The following PDE1A variants were observed in gnomAD, a reference collection of about 807,000 sequenced individuals.
PDE1A encodes dual specificity calcium/calmodulin-dependent 3',5'-cyclic nucleotide phosphodiesterase 1A.
In PDE1A, 35 loss-of-function variants were observed where a neutral mutation model predicts 61.7. The observed-to-expected ratio is 0.57, with a 90% CI of 0.43 to 0.75. The LOEUF is 0.75. Ranked by LOEUF, PDE1A falls within the 30% of genes least tolerant of loss-of-function variation. PDE1A has a pLI of 0.00. For synonymous variants in PDE1A, 232 were observed against 213.2 expected (o/e 1.09, Z -0.77); for missense variants, 597 against 630.6 (o/e 0.95, Z 0.57).
chr2:182,255,524 C>T (rs1388093746), intron 2 of PDE1A, among the ~76,000 whole-genome samples: 1 of 152,172 alleles, frequency 6.6e-6, no homozygotes, highest in Non-Finnish European at 1.5e-5. Context: ...TGCTAAGCAG[C>T]TGAGTTTAAA....
chr2:182,340,755 G>C (rs917601560), intron 1 of PDE1A, among the ~76,000 whole-genome samples: 3 of 152,176 alleles, frequency 2.0e-5, no homozygotes, highest in Non-Finnish European at 4.4e-5. Context: ...ATAATTTAAT[G>C]ATGATGAATG....
At chr2:182,537,712 T>C in the PDE1A span, among the ~76,000 whole-genome samples, 3 of 151,796 alleles carry the variant, frequency 2.0e-5, no homozygotes, top group African/African-American at 7.3e-5. Flanking sequence ...AAAGAAAATT[T>C]CAAGCAGAGG....
chr2:182,340,698 C>A (rs1031139948), intron 1 of PDE1A, among the ~76,000 whole-genome samples: 1 of 151,934 alleles, frequency 6.6e-6, no homozygotes, highest in Admixed American at 6.6e-5. Context: ...TTTCTGTAGC[C>A]CTGATGTTAA....
At chr2:182,675,578 G>A in the PDE1A span, among the ~76,000 whole-genome samples, 33 of 152,140 alleles carry the variant, frequency 2.2e-4, no homozygotes, top group Admixed American at 2.2e-3. Context: ...CACCAACAGT[G>A]TATAAGTTTT....
At chr2:182,671,361 T>TTTTCTTTTTTTTTTTTC in the PDE1A span, among the ~76,000 whole-genome samples, 1 of 114,206 alleles carries the variant, frequency 8.8e-6, no homozygotes, top group Non-Finnish European at 1.8e-5. Flanking sequence ...TTTTTTTTTT[T>TTTTCTTTTTTTTTTTTC]GTATTTTTAG....
the PDE1A span, among the ~76,000 whole-genome samples, chr2:182,624,261 A>C: frequency 1.3e-5 from 2 of 152,172 alleles, no homozygotes; most frequent in Non-Finnish European, 1.5e-5. Context: ...AATACGTAAT[A>C]AGCCTCCTGC....
At chr2:182,552,255 A>C in the PDE1A span, among the ~76,000 whole-genome samples, 41 of 152,206 alleles carry the variant, frequency 2.7e-4, 1 homozygote, top group East Asian at 7.7e-3. Context: ...GCTCTCAAAA[A>C]CAGGGAGAAA....
intron 2 of PDE1A, among the ~76,000 whole-genome samples, chr2:182,454,531 A>G (rs1000666628): frequency 6.6e-6 from 1 of 152,094 alleles, no homozygotes; most frequent in Non-Finnish European, 1.5e-5. Context: ...CAACAAGGCT[A>G]CAGTAACCAA....
intron 1 of PDE1A, among the ~76,000 whole-genome samples, chr2:182,377,662 C>A (rs1045463066): frequency 4.6e-5 from 7 of 152,100 alleles, no homozygotes; most frequent in Non-Finnish European, 8.8e-5. Flanking sequence ...CTCTTTATGA[C>A]CCAGCAGTTC....
the PDE1A span, among the ~76,000 whole-genome samples, chr2:182,555,819 T>G: frequency 6.6e-6 from 1 of 151,584 alleles, no homozygotes; most frequent in Non-Finnish European, 1.5e-5. Context: ...ATACAAAAAT[T>G]AGCCAGATAT....
the PDE1A span, among the ~76,000 whole-genome samples, chr2:182,592,988 A>G: frequency 6.6e-6 from 1 of 152,168 alleles, no homozygotes; most frequent in Non-Finnish European, 1.5e-5. Flanking sequence ...CCCACCTAGA[A>G]GGAGGTTCAG....
intron 2 of PDE1A, among the ~76,000 whole-genome samples, chr2:182,247,804 T>C (rs184980379): frequency 1.3e-5 from 2 of 152,368 alleles, no homozygotes; most frequent in East Asian, 1.9e-4. Context: ...ATATATTTTG[T>C]CCTCATTTCA....
intron 2 of PDE1A, among the ~76,000 whole-genome samples, chr2:182,444,345 G>A (rs1342334883): frequency 6.6e-6 from 1 of 152,004 alleles, no homozygotes; most frequent in Non-Finnish European, 1.5e-5. Context: ...CCTTCTTTGT[G>A]GCTGTGTATT....
rs184537551 is a variant in PDE1A, at chr2:182,152,179, G to A, written c.1517-5027C>T. Among the ~76,000 whole-genome samples the A allele has an allele frequency of 6.4e-4, 98 of 152,112 alleles. 1 individual carries two copies. Among genetic ancestry groups the A allele is most frequent in the African/African-American group, 2.2e-3 (91 of 41,508 alleles). ...TAGTATTTCCTTAGGCATATCTCTAGGTTGCTTCAGCTTTACTTTTAGACC... is the reference window on the plus strand; with the variant it reads ...TAGTATTTCCTTAGGCATATCTCTAAGTTGCTTCAGCTTTACTTTTAGACC... On this transcript the variant is annotated intron_variant, in intron 13 of 13. Coordinates refer to the PDE1A transcript ENST00000409365.
At chr2:182,610,042 T>G in the PDE1A span, among the ~76,000 whole-genome samples, 2 of 149,714 alleles carry the variant, frequency 1.3e-5, no homozygotes, top group African/African-American at 4.9e-5. Context: ...GAGCCAAGAT[T>G]ATGCCACTGC....
At chr2:182,624,076 G>C in the PDE1A span, among the ~76,000 whole-genome samples, 1 of 141,036 alleles carries the variant, frequency 7.1e-6, no homozygotes, top group Non-Finnish European at 1.5e-5. Flanking sequence ...AGCGAGCTGA[G>C]ATCACGCCAC....
At chr2:182,470,528 AGAAATAG>A (rs1267574489) in intron 2 of PDE1A, among the ~76,000 whole-genome samples, 1 of 151,870 alleles carries the variant, frequency 6.6e-6, no homozygotes, top group Non-Finnish European at 1.5e-5. Context: ...AGTAAGAGAG[AGAAATAG>A]GAAATTTCAA....
In PDE1A at chr2:182,176,484, T is replaced by C. The variant is rs1417721906; in HGVS notation, c.1517-8194A>G. On this transcript the variant is annotated intron_variant, in intron 13 of 13. Coordinates refer to ENST00000351439, the Ensembl canonical transcript of PDE1A. ...AGTTCACTCATGATTTGGCTCTCTG[T>C]TTGTCTGTTGTTGGTGTATAAGAAT... Among the ~76,000 whole-genome samples the C allele has an allele frequency of 4.3e-5, 6 of 140,422 alleles. No homozygotes were observed. In the East Asian group the frequency reaches 1.0e-3, roughly 24 times the overall value. 92.1% of individuals were successfully genotyped at this position (140,422 alleles called of 152,430 possible).
chr2:182,293,028 G>A (rs1399306071), intron 1 of PDE1A, among the ~76,000 whole-genome samples: 1 of 152,090 alleles, frequency 6.6e-6, no homozygotes, highest in Non-Finnish European at 1.5e-5. Flanking sequence ...TACATCTTGA[G>A]TGTACAGTTC....
Sources: allele counts gnomAD v4.1 joint callset (sites outside exome capture counted in the v4.1 genomes callset), GRCh38; gene constraint gnomAD v4.1.1; transcripts MANE v1.5; gene names NCBI Gene and HGNC (gene_info 2026-07-23, HGNC 2026-07-21).